Variants in TBCK observed in about 807,000 individuals in gnomAD.
The protein encoded by TBCK is TBC domain-containing protein kinase-like protein.
In TBCK, 99 loss-of-function variants were observed where a neutral mutation model predicts 113.4. The observed-to-expected ratio is 0.87, with a 90% CI of 0.74 to 1.03. The LOEUF (loss-of-function observed/expected upper bound fraction) is 1.03. Among genes scored for constraint, TBCK ranks in the 50% least tolerant of loss-of-function variants. The probability of loss-of-function intolerance (pLI) is 0.00; values close to 1 mark genes in which losing one functional copy is unlikely to be tolerated. For synonymous variants in TBCK, 369 were observed against 370.8 expected (o/e 1.00, Z 0.05); for missense variants, 1,045 against 1,061.3 (o/e 0.98, Z 0.21).
chr4:106,265,691 A>G (rs55764348), intron 3 of TBCK, among the ~76,000 whole-genome samples: 2,759 of 151,970 alleles, frequency 0.018, 79 homozygotes, highest in African/African-American at 0.061. Context: ...ATCTCTGAGA[A>G]TAGTTAGAAG....
intron 24 of TBCK, among the ~76,000 whole-genome samples, chr4:106,108,953 C>A (rs1742505805): frequency 6.6e-6 from 1 of 150,608 alleles, no homozygotes; most frequent in African/African-American, 2.5e-5. Flanking sequence ...CATTCCTATA[C>A]ACCAACGACA....
At chr4:106,103,087 T>G (rs1431410346) in intron 24 of TBCK, among the ~76,000 whole-genome samples, 1 of 152,158 alleles carries the variant, frequency 6.6e-6, no homozygotes, top group African/African-American at 2.4e-5. Context: ...TTAGGGAAAT[T>G]TTTATTAAAA....
chr4:106,235,955 A>G (rs1324827581), intron 14 of TBCK, among the ~76,000 whole-genome samples: 2 of 151,988 alleles, frequency 1.3e-5, no homozygotes, highest in Non-Finnish European at 2.9e-5. Flanking sequence ...GAGAGTTCCA[A>G]TATCATTGCA....
chr4:106,133,133 T>C (rs1413690710), intron 23 of TBCK, among the ~76,000 whole-genome samples: 1 of 152,110 alleles, frequency 6.6e-6, no homozygotes, highest in Non-Finnish European at 1.5e-5. Flanking sequence ...CAGAATGATA[T>C]GGTTTGGCTG....
chr4:106,236,567 A>G, intron 13 of TBCK, 48 bp from the exon 14 acceptor site: 1 of 1,405,244 alleles, frequency 7.1e-7, no homozygotes, highest in Non-Finnish European at 9.3e-7. Flanking sequence ...GACAAAAGGT[A>G]CAAAATTTTC....
chr4:106,276,726 A>G (rs1046222180), intron 3 of TBCK, among the ~76,000 whole-genome samples: 6 of 151,966 alleles, frequency 3.9e-5, no homozygotes, highest in Non-Finnish European at 7.4e-5. Flanking sequence ...ATGAAACCAC[A>G]TATCTACTAA....
upstream of TBCK, chr4:106,316,641 G>T: frequency 6.5e-7 from 1 of 1,538,046 alleles, no homozygotes; most frequent in South Asian, 1.2e-5. Flanking sequence ...CGCCGATTGC[G>T]ATCGTAGGGG....
Position 106,043,231 on chromosome 4 carries a change from CTAGAT to C in TBCK, c.*3334_*3338del. 6.6e-6 allele frequency: 1 copy of C among 152,112 alleles called. No individual in the cohort carries two copies. The highest frequency in any genetic ancestry group is 1.9e-4 in the East Asian group (1 of 5,182). The allele number at this position is 152,112 out of a possible 1,614,324, so 9.4% of individuals were successfully genotyped here. ...TCTGTATTTTGAAAAGAGGATGCAACTAGATTAAATTACCTTATTTTGGAAGTTAT... is the reference window on the plus strand; with the variant it reads ...TCTGTATTTTGAAAAGAGGATGCAACTAAATTACCTTATTTTGGAAGTTAT... On this transcript the variant is annotated 3_prime_UTR_variant, in exon 26 of 26. Coordinates refer to ENST00000394708, the MANE Select transcript of TBCK (RefSeq NM_001163435.3).
chr4:106,157,372 C>T (rs1039737323), intron 23 of TBCK, among the ~76,000 whole-genome samples: 26 of 152,072 alleles, frequency 1.7e-4, no homozygotes, highest in Non-Finnish European at 3.5e-4. Context: ...GGTTACGTGC[C>T]TCCTTAGTCC....
At chr4:106,299,787 A>T (rs1365491990) in intron 2 of TBCK, among the ~76,000 whole-genome samples, 2 of 152,212 alleles carry the variant, frequency 1.3e-5, no homozygotes, top group African/African-American at 4.8e-5. Flanking sequence ...ATAAATCATC[A>T]ATGTAGTAGC....
chr4:106,079,198 C>T (rs1337098406), intron 25 of TBCK, among the ~76,000 whole-genome samples: 2 of 152,102 alleles, frequency 1.3e-5, no homozygotes, highest in Non-Finnish European at 1.5e-5. Flanking sequence ...GCATTTAGGA[C>T]AAACCCACAG....
chr4:106,146,445 G>A (rs1412645884), intron 23 of TBCK, among the ~76,000 whole-genome samples: 1 of 152,102 alleles, frequency 6.6e-6, no homozygotes, highest in African/African-American at 2.4e-5. Flanking sequence ...TACTTGAGGA[G>A]GGAGAGTGGA....
At chr4:106,111,215 T>G (rs1003217887) in intron 24 of TBCK, among the ~76,000 whole-genome samples, 1 of 152,144 alleles carries the variant, frequency 6.6e-6, no homozygotes, top group Non-Finnish European at 1.5e-5. Context: ...AAGCTGACCA[T>G]ATAGAACCGT....
chr4:106,087,224 C>A (rs1252695705), intron 25 of TBCK, among the ~76,000 whole-genome samples: 1 of 152,204 alleles, frequency 6.6e-6, no homozygotes. Context: ...TGATAGGCAA[C>A]TTCAGTAAAG....
In TBCK at chr4:106,066,535, A is replaced by T. The variant is rs575282755; in HGVS notation, c.2572-19855T>A. 6.6e-5 allele frequency among the ~76,000 whole-genome samples: 10 copies of T among 152,112 alleles called. No homozygotes were observed. The South Asian group carries it at 2.1e-3, about 32-fold the overall frequency. ...AAAATTGAGGTAAAACATATATAAC[A>T]TAAAATTTTTCCTTTTAACCATTTT... is the stretch of plus-strand genomic sequence containing the variant. On this transcript the variant is annotated intron_variant, in intron 25 of 25. Coordinates refer to ENST00000394708, the MANE Select transcript of TBCK (RefSeq NM_001163435.3).
chr4:106,212,617 G>A, intron 20 of TBCK, 133 bp downstream of exon 20: 3 of 603,018 alleles, frequency 5.0e-6, no homozygotes, highest in Non-Finnish European at 8.9e-6. Flanking sequence ...CTAATACAAG[G>A]CTACAATTAG....
At chr4:106,224,315 CT>C (rs11383334) in intron 19 of TBCK, among the ~76,000 whole-genome samples, 1 of 150,078 alleles carries the variant, frequency 6.7e-6, no homozygotes. Flanking sequence ...GTAATAATAA[CT>C]TTTTTTTTTC....
Position 106,193,724 on chromosome 4 carries a change from T to C in TBCK, c.1944A>G (p.Leu648=), listed in dbSNP as rs1579195224. Residue 648 remains leucine, a synonymous_variant, in exon 22 of 26, where the codon CTA becomes CTG. Transcript: ENST00000394708. ...HKIFHLWDTL[L]LGNSSFPFCI... The stretch of plus-strand genomic sequence containing the variant: ...AGAATGGGAAAGAGGAATTCCCAAG[T>C]AGTAAGGTATCCCAGAGGTGGAAAA... 1.2e-6 allele frequency: 2 copies of C among 1,608,144 alleles called. No individual in the cohort carries two copies. Among genetic ancestry groups the C allele is most frequent in the East Asian group, 2.2e-5 (1 of 44,768 alleles).
chr4:106,235,779 C>T (rs576503601), intron 14 of TBCK, among the ~76,000 whole-genome samples: 12 of 151,974 alleles, frequency 7.9e-5, no homozygotes, highest in South Asian at 2.1e-4. Context: ...TGAGTACTTC[C>T]GCATTTTGCA....
Sources: gnomAD v4.1 joint callset for allele counts (sites outside exome capture counted in the v4.1 genomes callset) on GRCh38, gnomAD v4.1.1 for gene constraint, MANE v1.5 for transcripts, NCBI Gene and HGNC (gene_info 2026-07-23, HGNC 2026-07-21) for gene names.